Variants in INPP4B observed in about 807,000 individuals in gnomAD.
INPP4B encodes the protein inositol polyphosphate 4-phosphatase type II.
Under a neutral mutation model 122.5 loss-of-function variants are expected in INPP4B, and 55 were observed. The observed-to-expected ratio is 0.45, with a 90% CI of 0.36 to 0.56. INPP4B has a LOEUF of 0.56. INPP4B is among the 20% of genes least tolerant of loss of function. The pLI, the probability that INPP4B is intolerant of heterozygous loss-of-function variation, is 0.00. For missense variants in INPP4B, 1,000 were observed against 1,097.7 expected, an observed-to-expected ratio of 0.91 and a Z score of 1.26; for synonymous variants, 403 against 388.7, an observed-to-expected ratio of 1.04 and a Z score of -0.43.
intron 18 of INPP4B, among the ~76,000 whole-genome samples, chr4:142,129,599 C>G (rs1800277756): frequency 6.6e-6 from 1 of 152,092 alleles, no homozygotes; most frequent in South Asian, 2.1e-4. Context: ...GGCACAGGGC[C>G]TAGAAACTAG....
In INPP4B at chr4:142,567,141, G is replaced by T. The variant is rs117950274; in HGVS notation, c.-190-104415C>A. On this transcript the variant is annotated intron_variant, in intron 2 of 25. Coordinates refer to ENST00000262992, the MANE Select transcript of INPP4B (RefSeq NM_001101669.3). ...TTCACTAGGTCTCAGCCTATTTTAA[G>T]AGCAGTCAGGAGCTAGAGTTTTCGG... 3.3e-3 allele frequency among the ~76,000 whole-genome samples: 499 copies of T among 152,320 alleles called. 7 individuals are homozygous for T. Among genetic ancestry groups the T allele is most frequent in the East Asian group, 0.018 (92 of 5,192 alleles).
intron 11 of INPP4B, among the ~76,000 whole-genome samples, chr4:142,254,511 G>C (rs1734535320): frequency 6.6e-6 from 1 of 152,116 alleles, no homozygotes; most frequent in Admixed American, 6.5e-5. Context: ...GTGCTTAAAG[G>C]AGCTGATGGA....
At chr4:142,396,531 T>C (rs952414418) in intron 7 of INPP4B, among the ~76,000 whole-genome samples, 1 of 152,124 alleles carries the variant, frequency 6.6e-6, no homozygotes, top group African/African-American at 2.4e-5. Context: ...GTAATCAATA[T>C]GGAAAATAAT....
intron 18 of INPP4B, among the ~76,000 whole-genome samples, chr4:142,138,917 A>C (rs1806195979): frequency 6.6e-6 from 1 of 152,182 alleles, no homozygotes; most frequent in Admixed American, 6.5e-5. Context: ...CTCATGCCTC[A>C]AGGCCAATAA....
Position 142,579,879 on chromosome 4 carries a change from G to GTAGGTAGA in INPP4B, c.-190-117154_-190-117153insTCTACCTA, listed in dbSNP as rs1236554313. On this transcript the variant is annotated intron_variant, in intron 2 of 25. Transcript: ENST00000262992. ...AATGGATAGATAGATAGATAGGTAG[G>GTAGGTAGA]TAGATAGATAGATAGATAGATAGAT... Among the ~76,000 whole-genome samples the GTAGGTAGA allele has an allele frequency of 1.8e-4, 25 of 142,594 alleles. No individual in the cohort carries two copies. The South Asian group carries it at 2.3e-3, about 13-fold the overall frequency. 93.5% of individuals were successfully genotyped at this position (142,594 alleles called of 152,430 possible).
intron 2 of INPP4B, chr4:142,514,428 GTTGTCTTTTGTTTTC>G (rs1223321744): frequency 9.9e-5 from 15 of 152,036 alleles, no homozygotes; most frequent in African/African-American, 3.1e-4. Flanking sequence ...TAAAATCTGT[GTTGTCTTTTGTTTTC>G]TGCCATAAAT....
intron 7 of INPP4B, among the ~76,000 whole-genome samples, chr4:142,353,284 T>C (rs1395469739): frequency 6.6e-6 from 1 of 151,974 alleles, no homozygotes; most frequent in Non-Finnish European, 1.5e-5. Context: ...CAATGCTTTC[T>C]AAGTTGCAAG....
chr4:142,254,764 A>T (rs1319418210), intron 11 of INPP4B, among the ~76,000 whole-genome samples: 5 of 152,214 alleles, frequency 3.3e-5, no homozygotes, highest in Non-Finnish European at 7.3e-5. Context: ...AATGGAACCA[A>T]GGTGGAAAAC....
At chr4:142,262,319 C>T (rs1191983736) in intron 10 of INPP4B, among the ~76,000 whole-genome samples, 1 of 152,146 alleles carries the variant, frequency 6.6e-6, no homozygotes, top group Non-Finnish European at 1.5e-5. Flanking sequence ...CCCTTAGCTC[C>T]AGTCACACTG....
At chr4:142,630,929 T>C (rs1042731036) in intron 2 of INPP4B, among the ~76,000 whole-genome samples, 1 of 152,122 alleles carries the variant, frequency 6.6e-6, no homozygotes. Flanking sequence ...ATACCTAGAA[T>C]TGAATTGAGG....
rs145488111 is a variant in INPP4B at position 142,136,193 on chromosome 4, G to T, written c.1720+9647C>A. 3.2e-3 allele frequency among the ~76,000 whole-genome samples: 490 copies of T among 152,162 alleles called. 3 individuals are homozygous for T. The highest frequency in any genetic ancestry group is 0.011 in the African/African-American group (442 of 41,530). Reference sequence around the variant, plus strand: ...GCAGTCAGCCTCACCCTGGCTCTTCGGCACTGGCACCCAGGCATGTTGGTA... The same window carrying T: ...GCAGTCAGCCTCACCCTGGCTCTTCTGCACTGGCACCCAGGCATGTTGGTA... On this transcript the variant is annotated intron_variant, in intron 18 of 25. Coordinates refer to ENST00000262992, the MANE Select transcript of INPP4B (RefSeq NM_001101669.3).
intron 2 of INPP4B, among the ~76,000 whole-genome samples, chr4:142,524,205 T>C (rs1268854106): frequency 1.3e-5 from 2 of 152,144 alleles, no homozygotes; most frequent in Non-Finnish European, 2.9e-5. Context: ...ATGGTATTTC[T>C]AGTTCTAGAT....
chr4:142,579,718 GC>G (rs1734592093), intron 2 of INPP4B, among the ~76,000 whole-genome samples: 1 of 151,676 alleles, frequency 6.6e-6, no homozygotes, highest in Admixed American at 6.6e-5. Flanking sequence ...TCTCGTGACT[GC>G]CAGCCTTCAG....
intron 1 of INPP4B, among the ~76,000 whole-genome samples, chr4:142,736,210 T>C (rs1766861142): frequency 6.6e-6 from 1 of 152,156 alleles, no homozygotes; most frequent in Non-Finnish European, 1.5e-5. Flanking sequence ...TCAGAAGGAA[T>C]ATTAAAGTTT....
intron 9 of INPP4B, among the ~76,000 whole-genome samples, chr4:142,295,651 G>A (rs183201417): frequency 5.3e-5 from 8 of 152,126 alleles, no homozygotes; most frequent in East Asian, 3.9e-4. Context: ...AGCTGCAGGC[G>A]ACATGTGTCC....
chr4:142,619,725 G>A (rs559092559), intron 2 of INPP4B, among the ~76,000 whole-genome samples: 7 of 151,964 alleles, frequency 4.6e-5, no homozygotes, highest in Middle Eastern at 6.8e-3. Flanking sequence ...TGTATTATCC[G>A]CTTAGAAATG....
chr4:142,715,743 G>A (rs1012172277), intron 2 of INPP4B, among the ~76,000 whole-genome samples: 2 of 152,200 alleles, frequency 1.3e-5, no homozygotes, highest in African/African-American at 4.8e-5. Flanking sequence ...CCAACATTTA[G>A]TGGCTTCAAA....
At chr4:142,737,807 C>A (rs1488359419) in intron 1 of INPP4B, among the ~76,000 whole-genome samples, 1 of 152,176 alleles carries the variant, frequency 6.6e-6, no homozygotes, top group Non-Finnish European at 1.5e-5. Context: ...AGGATATGAA[C>A]AGACACTTCT....
chr4:142,688,329 C>G (rs760671113), intron 2 of INPP4B, among the ~76,000 whole-genome samples: 2 of 152,122 alleles, frequency 1.3e-5, no homozygotes, highest in Non-Finnish European at 1.5e-5. Flanking sequence ...CACAGCAGGA[C>G]TGTGTACCAT....
Sources: gnomAD v4.1 joint callset for allele counts (sites outside exome capture counted in the v4.1 genomes callset) on GRCh38, gnomAD v4.1.1 for gene constraint, MANE v1.5 for transcripts, NCBI Gene and HGNC (gene_info 2026-07-23, HGNC 2026-07-21) for gene names.